Variants in NPL observed in about 807,000 individuals in gnomAD.
NPL encodes the protein N-acetylneuraminate pyruvate lyase.
Under a neutral mutation model 41.1 loss-of-function variants are expected in NPL, and 32 were observed. That is an observed-to-expected ratio of 0.78 (90% CI 0.59 to 1.05). The LOEUF (loss-of-function observed/expected upper bound fraction) is 1.05, where lower values mean the gene tolerates loss of function less well. NPL is among the 50% of genes least tolerant of loss of function. The probability of loss-of-function intolerance (pLI) is 0.00; values close to 1 mark genes in which losing one functional copy is unlikely to be tolerated. For missense variants in NPL, 321 were observed against 378.4 expected (o/e 0.85, Z 1.26); for synonymous variants, 128 against 134.9 (o/e 0.95, Z 0.35).
At chr1:182,809,430 A>G (rs2102547916) in intron 5 of NPL, 1 of 256,844 alleles carries the variant, frequency 3.9e-6, no homozygotes, top group East Asian at 1.2e-4. Flanking sequence ...ATCCCAGCTA[A>G]GCAGGAGGCT....
intron 5 of NPL, chr1:182,809,220 C>T (rs1228607071): frequency 2.2e-6 from 1 of 453,220 alleles, no homozygotes; most frequent in African/African-American, 2.0e-5. Context: ...ATCCGCACAA[C>T]CCAAAGTAGA....
intron 4 of NPL, among the ~76,000 whole-genome samples, chr1:182,804,888 A>G (rs537323976): frequency 7.2e-5 from 11 of 152,330 alleles, no homozygotes; most frequent in African/African-American, 2.6e-4. Flanking sequence ...ATTCTTACTC[A>G]ACAAAGGGCA....
At position 182,803,727 on chromosome 1, in the gene NPL, A is replaced by T. The variant is rs765934463; in HGVS notation, c.98A>T (p.Tyr33Phe). 4.3e-6 allele frequency: 7 copies of T among 1,613,358 alleles called. No individual in the cohort carries two copies. The highest frequency in any genetic ancestry group is 3.3e-5 in the South Asian group (3 of 91,062). The change falls in exon 4 of 13, where the codon TAT (tyrosine) becomes TTT (phenylalanine). Residue 33 changes from tyrosine (Y) to phenylalanine (F), a missense_variant. Tyr to Phe is a conservative substitution (Grantham distance 22, BLOSUM62 3). Transcript: ENST00000367553. ...ATCAACTTTTCAGTAATTGGTCAGTATGTGGATTATCTTGTGAAAGAACAG... is the reference window on the plus strand; with the variant it reads ...ATCAACTTTTCAGTAATTGGTCAGTTTGTGGATTATCTTGTGAAAGAACAG... Reference protein sequence around the residue: ...GEINFSVIGQYVDYLVKEQGV... With the variant: ...GEINFSVIGQFVDYLVKEQGV...
At chr1:182,812,059 A>G in intron 5 of NPL, 97 bp from the exon 6 acceptor site, 3 of 1,106,152 alleles carry the variant, frequency 2.7e-6, no homozygotes, top group Non-Finnish European at 4.2e-6. Flanking sequence ...TTAATAAGGC[A>G]TCAGTTAACT....
intron 11 of NPL, 90 bp downstream of exon 11, chr1:182,822,289 A>G (rs1667510704): frequency 4.6e-6 from 4 of 863,578 alleles, no homozygotes; most frequent in Admixed American, 1.9e-5. Flanking sequence ...GCCTGCCCTC[A>G]TTAAAATTGC....
Position 182,818,500 on chromosome 1 carries a change from A to G in NPL, c.458-41A>G, listed in dbSNP as rs781213185. On this transcript the variant is annotated intron_variant, in intron 8 of 12. Transcript: ENST00000367553. ...GACACTATATGAGATGTTATTTCCTAGAGATGTGCAGATTAATGAGGCACT... is the reference window on the plus strand; with the variant it reads ...GACACTATATGAGATGTTATTTCCTGGAGATGTGCAGATTAATGAGGCACT... 1.4e-5 allele frequency: 22 copies of G among 1,609,672 alleles called. No homozygotes were observed. The East Asian group carries it at 4.0e-4, about 29-fold the overall frequency.
In NPL at chr1:182,806,244, C is replaced by A. The variant is rs778864990; in HGVS notation, c.230+12C>A. ...AAAGGGAAGGACAAGTGAGTGGCTG[C>A]ATGAGGATAAAAATGCCCTTTGGCA... On this transcript the variant is annotated intron_variant, in intron 5 of 12. Coordinates refer to ENST00000367553, the MANE Select transcript of NPL (RefSeq NM_030769.3). 4.3e-6 allele frequency: 7 copies of A among 1,614,182 alleles called. No individual in the cohort carries two copies. Among genetic ancestry groups the A allele is most frequent in the Non-Finnish European group, 5.9e-6 (7 of 1,180,036 alleles).
At position 182,812,178 on chromosome 1, in the gene NPL, G is replaced by A. The variant is rs141892236; in HGVS notation, c.253G>A (p.Val85Ile). ...CAGGCTGGATCAGGTGATAATTCACGTAGGAGCACTGAGCTTGAAGGAGTC... is the reference window on the plus strand; with the variant it reads ...CAGGCTGGATCAGGTGATAATTCACATAGGAGCACTGAGCTTGAAGGAGTC... ...KDKLDQVIIH[V>I]GALSLKESQE... Residue 85 changes from valine (V) to isoleucine (I), a missense_variant, in exon 6 of 13, where the codon GTA becomes ATA. By Grantham distance (29) the Val-to-Ile change is conservative (BLOSUM62 3). Transcript: ENST00000367553. 6.5e-4 allele frequency: 1,052 copies of A among 1,613,956 alleles called. 5 individuals are homozygous for A. Among genetic ancestry groups the A allele is most frequent in the African/African-American group, 2.1e-3 (154 of 75,036 alleles).
In NPL at chr1:182,828,034, A is replaced by AT. The variant is rs1363609145; in HGVS notation, c.779-687dup. Among the ~76,000 whole-genome samples the AT allele has an allele frequency of 8.5e-5, 13 of 152,122 alleles. No homozygotes were observed. The highest frequency in any genetic ancestry group is 1.3e-4 in the Non-Finnish European group (9 of 68,000). Reference sequence around the variant, plus strand: ...CATTCACCTTTGGCTCAGGCTTGAGATTTCTTTCATGAGATCTGTTTCCAT... The same window carrying AT: ...CATTCACCTTTGGCTCAGGCTTGAGATTTTCTTTCATGAGATCTGTTTCCAT... On this transcript the variant is annotated intron_variant, in intron 12 of 12. Coordinates refer to ENST00000367553, the MANE Select transcript of NPL (RefSeq NM_030769.3). This position sits in a 1 kb window ranked among gnomAD's most constrained non-coding sequence, Gnocchi z 4.0.
At chr1:182,804,846 T>C (rs1666958450) in intron 4 of NPL, among the ~76,000 whole-genome samples, 1 of 152,140 alleles carries the variant, frequency 6.6e-6, no homozygotes. Flanking sequence ...TCAATGTCCC[T>C]CTACAGCGCT....
At position 182,825,822 on chromosome 1, in the gene NPL, T is replaced by G. The variant is rs1249410678; in HGVS notation, c.778+2T>G. The stretch of plus-strand genomic sequence containing the variant: ...TTATCAACTTTGTTGTCAAACTAGG[T>G]AAGTGCCACCCATCTTCTGCTTTGT... On this transcript the variant is annotated splice_donor_variant, in intron 12 of 12. Transcript: ENST00000367553. LOFTEE classifies it high-confidence loss of function. 8 of 1,600,992 alleles carry G rather than the reference T, an allele frequency of 5.0e-6. No individual in the cohort carries two copies. In the African/African-American group the frequency reaches 5.4e-5, roughly 11 times the overall value.
chr1:182,793,409 G>T (rs1666570877), intron 2 of NPL, among the ~76,000 whole-genome samples: 1 of 152,174 alleles, frequency 6.6e-6, no homozygotes, highest in South Asian at 2.1e-4. Context: ...GACTCTTCCA[G>T]CAGTGCGCTA....
At chr1:182,801,256 T>G (rs181430066) in intron 3 of NPL, among the ~76,000 whole-genome samples, 40 of 152,256 alleles carry the variant, frequency 2.6e-4, no homozygotes, top group Admixed American at 1.2e-3. Flanking sequence ...GTTAGGGGCA[T>G]TTTATAAGAA....
At chr1:182,815,130 C>T (rs574829192) in intron 7 of NPL, among the ~76,000 whole-genome samples, 1 of 152,304 alleles carries the variant, frequency 6.6e-6, no homozygotes, top group South Asian at 2.1e-4. Context: ...GGTCAAGTGT[C>T]TGCTCCTAGA....
At chr1:182,813,111 T>C (rs12058544) in intron 6 of NPL, among the ~76,000 whole-genome samples, 12,077 of 146,632 alleles carry the variant, frequency 0.082, 1,299 homozygotes, top group African/African-American at 0.26. Context: ...CAAGATCGTG[T>C]CACTGCACTC....
At chr1:182,813,549 A>G (rs768001678) in intron 6 of NPL, among the ~76,000 whole-genome samples, 3 of 152,086 alleles carry the variant, frequency 2.0e-5, no homozygotes, top group Non-Finnish European at 2.9e-5. Flanking sequence ...TCTCTTTTCA[A>G]TTGCTGCTTT....
At position 182,814,784 on chromosome 1, in the gene NPL, C is replaced by T. The variant is rs1414429023; in HGVS notation, c.290C>T (p.Ala97Val). Residue 97 changes from alanine to valine, a missense_variant and splice_region_variant, in exon 7 of 13, where the codon GCC (alanine) becomes GTC (valine). Physicochemically the swap from Ala to Val is moderately conservative, Grantham distance 64 (BLOSUM62 0). Transcript: ENST00000367553. ...ATGGTCTTCTTTCTTCCTTTAAAGGCCCAACATGCAGCAGAAATAGGAGCT... is the reference window on the plus strand; with the variant it reads ...ATGGTCTTCTTTCTTCCTTTAAAGGTCCAACATGCAGCAGAAATAGGAGCT... Reference protein sequence around the residue: ...ALSLKESQELAQHAAEIGADG... With the variant: ...ALSLKESQELVQHAAEIGADG... 3 of 1,613,646 alleles carry T rather than the reference C, an allele frequency of 1.9e-6. No individual in the cohort carries two copies. The East Asian group carries it at 6.7e-5, about 36-fold the overall frequency.
intron 3 of NPL, among the ~76,000 whole-genome samples, chr1:182,798,817 T>C (rs1303873096): frequency 2.0e-5 from 3 of 152,138 alleles, no homozygotes; most frequent in Non-Finnish European, 4.4e-5. Flanking sequence ...GAACAGAACA[T>C]TTTCCACCTC....
In NPL at chr1:182,822,112, C is replaced by CAGTACCT. The variant is rs773859199; in HGVS notation, c.654-1_659dup. On this transcript the variant is annotated splice_region_variant and splice_polypyrimidine_tract_variant and intron_variant, in intron 10 of 12. Coordinates refer to ENST00000367553, the MANE Select transcript of NPL (RefSeq NM_030769.3). Reference sequence around the variant, plus strand: ...CCTGCAGTATTTGTTATTGTCTTGCCAGTACCTATAACTACCTGGGAAAAA... The same window carrying CAGTACCT: ...CCTGCAGTATTTGTTATTGTCTTGCCAGTACCTAGTACCTATAACTACCTGGGAAAAA... 14 of 1,598,420 alleles carry CAGTACCT rather than the reference C, an allele frequency of 8.8e-6. No homozygotes were observed. The East Asian group carries it at 3.1e-4, about 36-fold the overall frequency.
Sources: gnomAD v4.1 joint callset for allele counts (sites outside exome capture counted in the v4.1 genomes callset) on GRCh38, gnomAD v4.1.1 for gene constraint, Gnocchi (gnomAD v3.1) non-coding constraint, MANE v1.5 for transcripts, NCBI Gene and HGNC (gene_info 2026-07-23, HGNC 2026-07-21) for gene names.